Variants in MAGI2 observed in about 807,000 individuals in gnomAD.
MAGI2 encodes the protein membrane-associated guanylate kinase, WW and PDZ domain-containing protein 2.
Under a neutral mutation model 133.3 loss-of-function variants are expected in MAGI2, and 35 were observed. The observed-to-expected ratio is 0.26, with a 90% CI of 0.20 to 0.35. The LOEUF is 0.35. Among genes scored for constraint, MAGI2 ranks in the 10% least tolerant of loss-of-function variants. The probability of loss-of-function intolerance (pLI) is 1.00; values close to 1 mark genes in which losing one functional copy is unlikely to be tolerated. For synonymous variants in MAGI2, 729 were observed against 710.6 expected (o/e 1.03, Z -0.41); for missense variants, 1,636 against 1,863.4 (o/e 0.88, Z 2.25).
chr7:78,237,914 T>A (rs1790723463), intron 10 of MAGI2, among the ~76,000 whole-genome samples: 1 of 152,194 alleles, frequency 6.6e-6, no homozygotes, highest in Non-Finnish European at 1.5e-5. Flanking sequence ...TTTTAAAAAA[T>A]TGAGTTTACT....
chr7:78,272,368 T>C (rs1794665883), intron 9 of MAGI2, among the ~76,000 whole-genome samples: 1 of 152,226 alleles, frequency 6.6e-6, no homozygotes, highest in African/African-American at 2.4e-5. Flanking sequence ...AATTATGTGG[T>C]CAATTTTAGA....
chr7:78,246,415 T>A (rs1791785764), intron 10 of MAGI2, among the ~76,000 whole-genome samples: 2 of 152,058 alleles, frequency 1.3e-5, no homozygotes, highest in South Asian at 2.1e-4. Context: ...CAGCCATGCA[T>A]CCCTGGGCTG....
chr7:78,025,888 G>T (rs1434769972), intron 21 of MAGI2, among the ~76,000 whole-genome samples: 1 of 152,190 alleles, frequency 6.6e-6, no homozygotes, highest in East Asian at 1.9e-4. Context: ...TCTTTCCCGT[G>T]TTATGAGCTC....
At chr7:79,136,095 AAGAAAGAAAG>A (rs1311417211) in intron 1 of MAGI2, among the ~76,000 whole-genome samples, 3 of 150,638 alleles carry the variant, frequency 2.0e-5, no homozygotes, top group Non-Finnish European at 3.0e-5. Context: ...GAAAGAAAGA[AAGAAAGAAAG>A]AAAGAAAGAA....
At chr7:78,045,759 A>G (rs543439283) in intron 21 of MAGI2, among the ~76,000 whole-genome samples, 1 of 152,286 alleles carries the variant, frequency 6.6e-6, no homozygotes, top group African/African-American at 2.4e-5. Flanking sequence ...TTCTCTTAGT[A>G]AAGAGCATGC....
At chr7:78,894,574 A>G (rs1242528806) in intron 2 of MAGI2, among the ~76,000 whole-genome samples, 5 of 152,180 alleles carry the variant, frequency 3.3e-5, no homozygotes, top group Admixed American at 1.3e-4. Context: ...AACACAATTT[A>G]TAAGAAACTC....
At chr7:78,765,022 G>C (rs1047161637) in intron 2 of MAGI2, among the ~76,000 whole-genome samples, 7 of 152,212 alleles carry the variant, frequency 4.6e-5, no homozygotes, top group Non-Finnish European at 8.8e-5. Flanking sequence ...GGTACCTTAG[G>C]AGGAACGGAG....
chr7:78,944,887 C>T (rs1442665665), intron 2 of MAGI2, among the ~76,000 whole-genome samples: 1 of 151,862 alleles, frequency 6.6e-6, no homozygotes, highest in East Asian at 1.9e-4. Context: ...CAGGTGCACG[C>T]CACTATGCCC....
chr7:79,196,978 G>T (rs1160854258), intron 1 of MAGI2, among the ~76,000 whole-genome samples: 1 of 151,688 alleles, frequency 6.6e-6, no homozygotes, highest in Admixed American at 6.6e-5. Flanking sequence ...ACTGGGTTTT[G>T]CCATGTTGCT....
intron 1 of MAGI2, among the ~76,000 whole-genome samples, chr7:79,315,457 G>A (rs1014505611): frequency 6.6e-6 from 1 of 151,526 alleles, no homozygotes; most frequent in Non-Finnish European, 1.5e-5. Flanking sequence ...TTATAGGTGT[G>A]AGCCACTGTG....
intron 2 of MAGI2, among the ~76,000 whole-genome samples, chr7:78,858,547 T>A (rs548705192): frequency 6.6e-6 from 1 of 152,216 alleles, no homozygotes; most frequent in South Asian, 2.1e-4. Context: ...TCAGTTTCCA[T>A]GTAGTTGAGC....
chr7:78,940,182 C>A (rs1008745404), intron 2 of MAGI2, among the ~76,000 whole-genome samples: 5 of 152,106 alleles, frequency 3.3e-5, no homozygotes, highest in African/African-American at 1.2e-4. Context: ...GCCCTTTAAA[C>A]TACATTTACC....
At chr7:79,323,963 G>C (rs1221058563) in intron 1 of MAGI2, among the ~76,000 whole-genome samples, 1 of 152,078 alleles carries the variant, frequency 6.6e-6, no homozygotes, top group African/African-American at 2.4e-5. Flanking sequence ...TAGCCTCCTG[G>C]GGATGCTCCT....
At chr7:78,052,914 A>T (rs1162253059) in intron 21 of MAGI2, among the ~76,000 whole-genome samples, 1 of 152,206 alleles carries the variant, frequency 6.6e-6, no homozygotes, top group Admixed American at 6.5e-5. Flanking sequence ...AAGAATGATC[A>T]TCCCAATAGG....
intron 2 of MAGI2, among the ~76,000 whole-genome samples, chr7:78,720,511 T>G (rs1405560320): frequency 6.6e-6 from 1 of 151,898 alleles, no homozygotes; most frequent in African/African-American, 2.4e-5. Context: ...TATAATTTAT[T>G]TAGATATATA....
intron 2 of MAGI2, among the ~76,000 whole-genome samples, chr7:78,743,706 C>A (rs982144888): frequency 2.6e-5 from 4 of 152,178 alleles, no homozygotes; most frequent in African/African-American, 9.7e-5. Flanking sequence ...CATGGTCATG[C>A]ACCAAAAGGC....
chr7:78,057,420 T>A (rs1812702044), intron 21 of MAGI2, among the ~76,000 whole-genome samples: 1 of 152,258 alleles, frequency 6.6e-6, no homozygotes, highest in South Asian at 2.1e-4. Flanking sequence ...TTTTTTGTAA[T>A]TTTAGCAGAG....
chr7:78,875,157 A>T (rs1024436244), intron 2 of MAGI2, among the ~76,000 whole-genome samples: 10 of 152,150 alleles, frequency 6.6e-5, no homozygotes, highest in African/African-American at 2.4e-4. Context: ...ATGTAAGGGG[A>T]CAGCTGGGGC....
intron 2 of MAGI2, among the ~76,000 whole-genome samples, chr7:78,741,160 GA>G (rs1273051309): frequency 6.6e-6 from 1 of 152,054 alleles, no homozygotes; most frequent in African/African-American, 2.4e-5. Flanking sequence ...AGTCATACAG[GA>G]AGTAAGAGCT....
Sources: allele counts gnomAD v4.1 joint callset (sites outside exome capture counted in the v4.1 genomes callset), GRCh38; gene constraint gnomAD v4.1.1; transcripts MANE v1.5; gene names NCBI Gene and HGNC (gene_info 2026-07-23, HGNC 2026-07-21).